The following NOS1 variants were observed in gnomAD, a reference collection of about 807,000 sequenced individuals.
The protein encoded by NOS1 is nitric oxide synthase 1, also known as NOS type I.
NOS1 carries 51 observed loss-of-function variants against 164.5 expected under a neutral mutation model. That is an observed-to-expected ratio of 0.31 (90% CI 0.25 to 0.39). The LOEUF is 0.39. Ranked by LOEUF, NOS1 falls within the 10% of genes least tolerant of loss-of-function variation. The probability of loss-of-function intolerance (pLI) is 1.00; values close to 1 mark genes in which losing one functional copy is unlikely to be tolerated. For missense variants in NOS1, 1,362 were observed against 1,885.6 expected (o/e 0.72, Z 5.14); for synonymous variants, 719 against 745.8 (o/e 0.96, Z 0.59).
At chr12:117,283,056 A>ATATATATATAT (rs1360367568) in intron 7 of NOS1, among the ~76,000 whole-genome samples, 6 of 92,954 alleles carry the variant, frequency 6.5e-5, no homozygotes, top group African/African-American at 1.8e-4. Context: ...ATATATATAT[A>ATATATATATAT]TTTTTTTTTT....
At position 117,262,273 on chromosome 12, in the gene NOS1, T is replaced by TC. The variant is rs574812962; in HGVS notation, c.2222+1615dup. 3.1e-3 allele frequency among the ~76,000 whole-genome samples: 466 copies of TC among 151,992 alleles called. 4 individuals carry two copies. Among genetic ancestry groups the TC allele is most frequent in the African/African-American group, 0.011 (454 of 41,444 alleles). The stretch of plus-strand genomic sequence containing the variant: ...ATGTTTTAGATTTCTCCCTCCCCTT[T>TC]CCCCCCAGAGACAGTGGAGCTGAAC... On this transcript the variant is annotated intron_variant, in intron 13 of 28. Transcript: ENST00000317775.
At chr12:117,346,728 G>A (rs1876369041) in intron 1 of NOS1, among the ~76,000 whole-genome samples, 1 of 152,164 alleles carries the variant, frequency 6.6e-6, no homozygotes, top group Admixed American at 6.5e-5. Flanking sequence ...GCACACTGGA[G>A]TTTGAGAAAC....
intron 3 of NOS1, among the ~76,000 whole-genome samples, chr12:117,303,268 T>A (rs1177305614): frequency 6.6e-6 from 1 of 152,064 alleles, no homozygotes. Context: ...CCCTAAAGAT[T>A]GGGAAAGAAA....
intron 16 of NOS1, among the ~76,000 whole-genome samples, chr12:117,254,067 T>A (rs925732340): frequency 2.6e-5 from 4 of 151,296 alleles, no homozygotes; most frequent in Non-Finnish European, 5.9e-5. Flanking sequence ...AACTAACTAC[T>A]CCCCTAAACC....
intron 3 of NOS1, among the ~76,000 whole-genome samples, chr12:117,290,745 G>T (rs959882615): frequency 2.0e-5 from 3 of 152,116 alleles, no homozygotes; most frequent in Non-Finnish European, 4.4e-5. Flanking sequence ...GTGAATATTT[G>T]TTGAATGAAT....
At chr12:117,269,167 G>T (rs1392928317) in intron 10 of NOS1, among the ~76,000 whole-genome samples, 4 of 152,166 alleles carry the variant, frequency 2.6e-5, no homozygotes, top group Non-Finnish European at 5.9e-5. Flanking sequence ...AAGGCCCACT[G>T]TGGAGACAGC....
chr12:117,214,315 A>G lies in NOS1; in HGVS notation c.*994T>C. On this transcript the variant is annotated 3_prime_UTR_variant, in exon 29 of 29. Coordinates refer to ENST00000317775, the MANE Select transcript of NOS1 (RefSeq NM_000620.5). ...ATTATGACTAGGAAAAACTGAGGAC[A>G]AGTGACCCATCCAAAGTCATCCAGT... 1.0e-6 allele frequency: 1 copy of G among 985,456 alleles called. No individual in the cohort carries two copies. Among genetic ancestry groups the G allele is most frequent in the Non-Finnish European group, 1.2e-6 (1 of 829,932 alleles). 61.0% of individuals were successfully genotyped at this position (985,456 alleles called of 1,614,324 possible).
At chr12:117,237,933 A>G (rs569120978) in intron 20 of NOS1, among the ~76,000 whole-genome samples, 1 of 152,270 alleles carries the variant, frequency 6.6e-6, no homozygotes, top group South Asian at 2.1e-4. Flanking sequence ...GCTATGTCAG[A>G]CAGGACGGTC....
intron 2 of NOS1, among the ~76,000 whole-genome samples, chr12:117,318,270 C>T (rs1874757972): frequency 6.6e-6 from 1 of 152,098 alleles, no homozygotes; most frequent in South Asian, 2.1e-4. Context: ...AGAAGCACCC[C>T]AGGTGGTCCA....
At chr12:117,278,516 T>G (rs904328586) in intron 8 of NOS1, among the ~76,000 whole-genome samples, 2 of 152,190 alleles carry the variant, frequency 1.3e-5, no homozygotes, top group Non-Finnish European at 2.9e-5. Flanking sequence ...CAGCTCTGTG[T>G]TTGTAATAAT....
chr12:117,311,646 G>A, intron 2 of NOS1, 54 bp from the exon 3 acceptor site: 1 of 1,565,498 alleles, frequency 6.4e-7, no homozygotes, highest in African/African-American at 1.3e-5. Context: ...GGACTTGCTG[G>A]TTGCTTTGAC....
intron 21 of NOS1, 29 bp from the exon 22 acceptor site, chr12:117,232,160 G>A (rs752436273): frequency 6.2e-7 from 1 of 1,608,280 alleles, no homozygotes; most frequent in Non-Finnish European, 8.5e-7. Flanking sequence ...GGTGACAGGT[G>A]GGTGTGGGAG....
intron 1 of NOS1, among the ~76,000 whole-genome samples, chr12:117,336,037 G>A (rs574920214): frequency 2.0e-5 from 3 of 151,714 alleles, no homozygotes; most frequent in South Asian, 2.1e-4. Flanking sequence ...TGCACCTTAC[G>A]GATGGATAAG....
intron 26 of NOS1, among the ~76,000 whole-genome samples, chr12:117,221,591 G>GT (rs544290047): frequency 2.0e-5 from 3 of 150,090 alleles, no homozygotes; most frequent in Admixed American, 6.7e-5. Context: ...GCCTAAATTT[G>GT]TTTTTTTTAA....
At position 117,210,264 on chromosome 12, in the gene NOS1, C is replaced by A; in HGVS notation, c.*5045G>T. On this transcript the variant is annotated 3_prime_UTR_variant, in exon 29 of 29. Coordinates refer to ENST00000317775, the MANE Select transcript of NOS1 (RefSeq NM_000620.5). ...CCAAAGTGCTATTACAGGCATGAAC[C>A]ACCATGCCTGGCCTACTTTTTGAGC... 1.0e-6 allele frequency: 1 copy of A among 981,878 alleles called. No individual in the cohort carries two copies. The highest frequency in any genetic ancestry group is 1.2e-6 in the Non-Finnish European group (1 of 826,868). 60.8% of individuals were successfully genotyped at this position (981,878 alleles called of 1,614,324 possible).
At chr12:117,309,421 G>A (rs1874319159) in intron 3 of NOS1, 1 of 983,022 alleles carries the variant, frequency 1.0e-6, no homozygotes, top group Non-Finnish European at 1.2e-6. Flanking sequence ...CTGAAGCTGT[G>A]TAGAGAACTT....
At chr12:117,311,364 G>T in intron 3 of NOS1, 102 bp downstream of exon 3, 1 of 1,352,612 alleles carries the variant, frequency 7.4e-7, no homozygotes, top group South Asian at 1.7e-5. Flanking sequence ...TTTCCATCAT[G>T]ACACAGTTTA....
intron 27 of NOS1, 61 bp from the exon 28 acceptor site, chr12:117,218,225 G>T: frequency 8.0e-7 from 1 of 1,252,312 alleles, no homozygotes; most frequent in Non-Finnish European, 1.2e-6. Context: ...TTGGAGCAGG[G>T]GCAGACTTGC....
At position 117,209,654 on chromosome 12, in the gene NOS1, C is replaced by T. The variant is rs1042325277; in HGVS notation, c.*5655G>A. On this transcript the variant is annotated 3_prime_UTR_variant, in exon 29 of 29. Coordinates refer to ENST00000317775, the MANE Select transcript of NOS1 (RefSeq NM_000620.5). ...ATACTAAGGCATATTGACAGCTGAC[C>T]ACCTCCCTCGCACATGGCTTTGATA... The T allele has an allele frequency of 1.0e-6, 1 of 985,488 alleles. No homozygotes were observed. 61.0% of individuals were successfully genotyped at this position (985,488 alleles called of 1,614,324 possible). A position where few individuals can be genotyped will look rare whatever the true frequency, so the allele number is the denominator to read the frequency against.
Sources: allele counts gnomAD v4.1 joint callset (sites outside exome capture counted in the v4.1 genomes callset), GRCh38; gene constraint gnomAD v4.1.1; transcripts MANE v1.5; gene names NCBI Gene and HGNC (gene_info 2026-07-23, HGNC 2026-07-21).